Variants in DLGAP1 observed in about 807,000 individuals in gnomAD.
DLGAP1 encodes the protein disks large-associated protein 1.
DLGAP1 carries 11 observed loss-of-function variants against 90.8 expected under a neutral mutation model. The observed-to-expected ratio is 0.12, with a 90% CI of 0.08 to 0.20. DLGAP1 has a LOEUF of 0.20. Ranked by LOEUF, DLGAP1 falls within the 10% of genes least tolerant of loss-of-function variation. DLGAP1 has a pLI of 1.00. For synonymous variants in DLGAP1, 558 were observed against 540.7 expected, an observed-to-expected ratio of 1.03 and a Z score of -0.44; for missense variants, 1,050 against 1,333.8, an observed-to-expected ratio of 0.79 and a Z score of 3.31.
intron 1 of DLGAP1, among the ~76,000 whole-genome samples, chr18:4,238,865 T>G (rs917043368): frequency 6.6e-6 from 1 of 152,186 alleles, no homozygotes; most frequent in Non-Finnish European, 1.5e-5. Context: ...ATAAGGTGAA[T>G]TTGAAAAATG....
chr18:3,574,928 C>T (rs1245144344), intron 8 of DLGAP1, among the ~76,000 whole-genome samples: 13 of 151,422 alleles, frequency 8.6e-5, no homozygotes, highest in Admixed American at 8.6e-4. Flanking sequence ...CATTCTCCTG[C>T]CTCAGCCTCC....
chr18:4,074,901 G>A (rs939229862), intron 2 of DLGAP1, among the ~76,000 whole-genome samples: 1 of 152,134 alleles, frequency 6.6e-6, no homozygotes, highest in African/African-American at 2.4e-5. Flanking sequence ...AGAAATGGAT[G>A]AATCACCATG....
intron 1 of DLGAP1, among the ~76,000 whole-genome samples, chr18:4,446,283 G>A (rs546077889): frequency 2.2e-4 from 33 of 152,102 alleles, no homozygotes; most frequent in Non-Finnish European, 4.3e-4. Context: ...GCTCTTTTGG[G>A]GGGCTCCAGG....
At chr18:3,770,237 T>C (rs1056456801) in intron 5 of DLGAP1, among the ~76,000 whole-genome samples, 1 of 152,116 alleles carries the variant, frequency 6.6e-6, no homozygotes, top group Non-Finnish European at 1.5e-5. Flanking sequence ...GCATCTTCCA[T>C]TTTCCCTGTC....
intron 1 of DLGAP1, among the ~76,000 whole-genome samples, chr18:4,166,282 A>G (rs2076932282): frequency 6.6e-6 from 1 of 152,198 alleles, no homozygotes; most frequent in Non-Finnish European, 1.5e-5. Flanking sequence ...GCTCAATATC[A>G]CTAAACACTA....
Position 3,684,129 on chromosome 18 carries a change from C to T in DLGAP1, c.1591+45006G>A, listed in dbSNP as rs73368652. ...ATGCACTCTAGGAGAGATGACAGCT[C>T]GTTAAAGTACCATATATTTATAATA... On this transcript the variant is annotated intron_variant, in intron 7 of 12. Transcript: ENST00000315677. 7.8e-3 allele frequency among the ~76,000 whole-genome samples: 1,185 copies of T among 151,290 alleles called. 12 individuals are homozygous for T. The highest frequency in any genetic ancestry group is 0.027 in the African/African-American group (1,133 of 41,262).
intron 1 of DLGAP1, among the ~76,000 whole-genome samples, chr18:4,276,115 A>C (rs1339393311): frequency 2.0e-5 from 3 of 150,228 alleles, no homozygotes; most frequent in Non-Finnish European, 4.4e-5. Flanking sequence ...TTGTCCAAGA[A>C]AAATGGGAAA....
At chr18:3,688,986 G>A (rs932270154) in intron 7 of DLGAP1, among the ~76,000 whole-genome samples, 3 of 152,262 alleles carry the variant, frequency 2.0e-5, no homozygotes, top group East Asian at 3.9e-4. Context: ...TACCTTTAGC[G>A]GATCTGGTTT....
At chr18:3,920,473 T>G (rs762752465) in intron 3 of DLGAP1, among the ~76,000 whole-genome samples, 1 of 151,596 alleles carries the variant, frequency 6.6e-6, no homozygotes, top group Non-Finnish European at 1.5e-5. Flanking sequence ...GTTTCCTACC[T>G]CCCCTCTGCT....
intron 7 of DLGAP1, chr18:3,655,791 C>T (rs770642743): frequency 1.1e-5 from 4 of 356,282 alleles, no homozygotes; most frequent in Non-Finnish European, 2.0e-5. Context: ...TCAAATAAGG[C>T]CACAGAAGAG....
intron 1 of DLGAP1, among the ~76,000 whole-genome samples, chr18:4,442,198 C>T (rs1034767665): frequency 7.9e-5 from 12 of 152,064 alleles, no homozygotes; most frequent in Non-Finnish European, 1.8e-4. Flanking sequence ...GAGGGTTTCA[C>T]CATATTGGCC....
intron 4 of DLGAP1, among the ~76,000 whole-genome samples, chr18:3,831,925 G>A (rs1035793584): frequency 1.3e-5 from 2 of 152,192 alleles, no homozygotes; most frequent in African/African-American, 4.8e-5. Context: ...GCCAGGATAT[G>A]TTTCATTCAA....
intron 1 of DLGAP1, among the ~76,000 whole-genome samples, chr18:4,272,492 TCA>T (rs1165449490): frequency 6.6e-6 from 1 of 152,222 alleles, no homozygotes; most frequent in Non-Finnish European, 1.5e-5. Context: ...TGATGGCATT[TCA>T]GTTACAAAAT....
intron 1 of DLGAP1, among the ~76,000 whole-genome samples, chr18:4,242,766 A>T (rs1425226245): frequency 6.6e-6 from 1 of 151,862 alleles, no homozygotes; most frequent in Non-Finnish European, 1.5e-5. Context: ...TGAGGGCTAG[A>T]TTACAAATGC....
At chr18:3,892,916 A>T (rs978742414) in intron 3 of DLGAP1, among the ~76,000 whole-genome samples, 6 of 146,928 alleles carry the variant, frequency 4.1e-5, no homozygotes, top group African/African-American at 1.5e-4. Flanking sequence ...ATATATATTT[A>T]TATATATAAT....
At chr18:4,403,103 G>C (rs2082590822) in intron 1 of DLGAP1, among the ~76,000 whole-genome samples, 1 of 152,088 alleles carries the variant, frequency 6.6e-6, no homozygotes, top group South Asian at 2.1e-4. Context: ...TTAATGGTAG[G>C]TATTATTAGT....
intron 3 of DLGAP1, among the ~76,000 whole-genome samples, chr18:3,928,775 A>G (rs1371661363): frequency 6.6e-6 from 1 of 152,154 alleles, no homozygotes; most frequent in African/African-American, 2.4e-5. Flanking sequence ...TGCCGAATTC[A>G]TATGCCTTAC....
intron 3 of DLGAP1, among the ~76,000 whole-genome samples, chr18:3,899,251 C>A (rs1568288427): frequency 6.6e-6 from 1 of 152,228 alleles, no homozygotes; most frequent in Non-Finnish European, 1.5e-5. Context: ...TTTCCTCTGA[C>A]TGCTGAAGGG....
chr18:3,987,903 T>C lies in DLGAP1; in HGVS notation c.-73+17213A>G, dbSNP rs542840582. Among the ~76,000 whole-genome samples, 5 of 152,358 alleles carry C rather than the reference T, an allele frequency of 3.3e-5. No homozygotes were observed. The South Asian group carries it at 8.3e-4, about 25-fold the overall frequency. On this transcript the variant is annotated intron_variant, in intron 3 of 12. Coordinates refer to ENST00000315677, the MANE Select transcript of DLGAP1 (RefSeq NM_004746.4). ...GCTTATACCAGTGGTGCCCAACCTT[T>C]TTGGCACCAGGGACTGGTTTCATGG... is the stretch of plus-strand genomic sequence containing the variant.
Sources: gnomAD v4.1 joint callset for allele counts (sites outside exome capture counted in the v4.1 genomes callset) on GRCh38, gnomAD v4.1.1 for gene constraint, MANE v1.5 for transcripts, NCBI Gene and HGNC (gene_info 2026-07-23, HGNC 2026-07-21) for gene names.